TSPAN15: variants seen among roughly 807,000 people sequenced by gnomAD.
TSPAN15 encodes the protein tetraspanin-15.
A neutral mutation model predicts 34.5 loss-of-function variants in TSPAN15; 20 were observed. The ratio of observed to expected loss-of-function variants is 0.58; its 90% CI spans 0.41 to 0.84. The LOEUF (loss-of-function observed/expected upper bound fraction) is 0.84. TSPAN15 is among the 40% of genes least tolerant of loss of function. The pLI is 0.00. For synonymous variants in TSPAN15, 155 were observed against 153.9 expected (o/e 1.01, Z -0.05); for missense variants, 313 against 386.1 (o/e 0.81, Z 1.59).
At chr10:69,483,579 G>A (rs560440763) in intron 1 of TSPAN15, 112 bp from the exon 2 acceptor site, 78 of 1,232,224 alleles carry the variant, frequency 6.3e-5, no homozygotes, top group Non-Finnish European at 8.4e-5. Context: ...TTTCTGTGCT[G>A]TAACCTGGGG....
intron 5 of TSPAN15, among the ~76,000 whole-genome samples, chr10:69,499,913 C>G (rs56034791): frequency 0.12 from 17,924 of 151,976 alleles, 1,115 homozygotes; most frequent in South Asian, 0.13. Context: ...GGGAGCACAG[C>G]GGAGGATGGT....
At chr10:69,490,037 G>C (rs912934450) in intron 3 of TSPAN15, among the ~76,000 whole-genome samples, 1 of 152,168 alleles carries the variant, frequency 6.6e-6, no homozygotes, top group Non-Finnish European at 1.5e-5. Flanking sequence ...GGCAGTAGCG[G>C]GTGTGTCTAT....
chr10:69,507,522 G>A lies in TSPAN15; in HGVS notation c.*544G>A, dbSNP rs1226429901. 4.6e-6 allele frequency: 6 copies of A among 1,304,202 alleles called. No homozygotes were observed. The highest frequency in any genetic ancestry group is 6.1e-6 in the Non-Finnish European group (6 of 989,042). 80.8% of individuals were successfully genotyped at this position (1,304,202 alleles called of 1,614,324 possible). A position where few individuals can be genotyped will look rare whatever the true frequency, so the allele number is the denominator to read the frequency against. Reference sequence around the variant, plus strand: ...GCTTCCTTGAGCCTAGTTTTTTTACGTGATTTTTGTAACATTCATTTTTTT... The same window carrying A: ...GCTTCCTTGAGCCTAGTTTTTTTACATGATTTTTGTAACATTCATTTTTTT... On this transcript the variant is annotated 3_prime_UTR_variant, in exon 8 of 8. Transcript: ENST00000373290.
At chr10:69,526,411 C>T in the TSPAN15 span, among the ~76,000 whole-genome samples, 1 of 148,146 alleles carries the variant, frequency 6.8e-6, no homozygotes, top group African/African-American at 2.5e-5. Flanking sequence ...GGAAGATAAA[C>T]AAATCGCCAA....
intron 1 of TSPAN15, among the ~76,000 whole-genome samples, chr10:69,461,761 GT>G (rs34642904): frequency 0.4 from 60,563 of 151,942 alleles, 12,573 homozygotes; most frequent in Non-Finnish European, 0.45. Context: ...GTGCAGTAGG[GT>G]TGGGGTGCTG....
chr10:69,481,445 A>G (rs1841733680), intron 1 of TSPAN15, among the ~76,000 whole-genome samples: 1 of 152,240 alleles, frequency 6.6e-6, no homozygotes, highest in Admixed American at 6.5e-5. Context: ...GTGTTTCTGC[A>G]TAAGCTCTGT....
downstream of TSPAN15, among the ~76,000 whole-genome samples, chr10:69,509,245 TGCACCGC>T (rs756235430): frequency 6.6e-6 from 1 of 152,180 alleles, no homozygotes; most frequent in Non-Finnish European, 1.5e-5. Context: ...TACCTCACAC[TGCACCGC>T]TGGCCAGCTG....
chr10:69,532,437 C>G, the TSPAN15 span, among the ~76,000 whole-genome samples: 1 of 152,170 alleles, frequency 6.6e-6, no homozygotes, highest in Non-Finnish European at 1.5e-5. Context: ...GGAAAGGACA[C>G]CCTTTTCAAC....
chr10:69,484,129 G>GA (rs1002649442), intron 2 of TSPAN15: 8 of 406,952 alleles, frequency 2.0e-5, no homozygotes, highest in African/African-American at 1.6e-4. Flanking sequence ...TTGCGAGTAG[G>GA]AAAAACCACA....
At chr10:69,496,628 C>T (rs1842091134) in intron 4 of TSPAN15, among the ~76,000 whole-genome samples, 1 of 152,156 alleles carries the variant, frequency 6.6e-6, no homozygotes, top group Non-Finnish European at 1.5e-5. Flanking sequence ...GCTGCAGGCC[C>T]ACTCAGCCGG....
intron 3 of TSPAN15, among the ~76,000 whole-genome samples, chr10:69,486,248 G>A (rs887502117): frequency 1.3e-5 from 2 of 152,122 alleles, no homozygotes; most frequent in Non-Finnish European, 2.9e-5. Context: ...CTTCTTCCTT[G>A]TCCTCATCCT....
In TSPAN15 at chr10:69,506,909, C is replaced by G. The variant is rs767712671; in HGVS notation, c.816C>G (p.Leu272=). The change falls in exon 8 of 8, where the codon CTC becomes CTG. Residue 272 remains leucine (L), a synonymous_variant. Transcript: ENST00000373290. The surrounding 1 kb of genome is among the most constrained non-coding windows in gnomAD (Gnocchi z 4.7). ...IIMEHSVTDG[L]LGPGAKPSVE... ...TGGAGCACTCTGTCACTGATGGGCT[C>G]CTGGGGCCCGGTGCCAAGCCCAGCG... is the stretch of plus-strand genomic sequence containing the variant. 6 of 1,608,738 alleles carry G rather than the reference C, an allele frequency of 3.7e-6. No individual in the cohort carries two copies. Among genetic ancestry groups the G allele is most frequent in the Non-Finnish European group, 5.1e-6 (6 of 1,178,214 alleles).
chr10:69,459,007 G>A (rs927463302), intron 1 of TSPAN15, among the ~76,000 whole-genome samples: 8 of 148,296 alleles, frequency 5.4e-5, no homozygotes, highest in Middle Eastern at 3.4e-3. Flanking sequence ...ATAAGGGACT[G>A]ATAATGAAAT....
chr10:69,505,257 A>T (rs1023925690), intron 6 of TSPAN15, among the ~76,000 whole-genome samples: 1 of 152,240 alleles, frequency 6.6e-6, no homozygotes, highest in African/African-American at 2.4e-5. Context: ...AAATACAGCA[A>T]TTTACAGCTG....
chr10:69,471,717 A>T (rs1841512139), intron 1 of TSPAN15, among the ~76,000 whole-genome samples: 1 of 150,480 alleles, frequency 6.6e-6, no homozygotes, highest in Non-Finnish European at 1.5e-5. Flanking sequence ...TCAGCCTCCC[A>T]AGTAGCTGGG....
At chr10:69,534,131 A>G in the TSPAN15 span, among the ~76,000 whole-genome samples, 1 of 152,248 alleles carries the variant, frequency 6.6e-6, no homozygotes, top group Non-Finnish European at 1.5e-5. Flanking sequence ...ACTTTTAGGC[A>G]GTAATACTTC....
rs1327062903 is a variant in TSPAN15 at position 69,496,350 on chromosome 10, TAATAATAATAATA to T, written c.453+663_453+675del. On this transcript the variant is annotated intron_variant, in intron 4 of 7. Transcript: ENST00000373290. Reference sequence around the variant, plus strand: ...ATAATAATAATAATAATAATAATAATAATAATAATAATAATAATAATGGCAGTGGTAGGGCCAG... The same window carrying T: ...ATAATAATAATAATAATAATAATAATATAATAATGGCAGTGGTAGGGCCAG... Among the ~76,000 whole-genome samples the T allele has an allele frequency of 1.8e-4, 26 of 148,014 alleles. No homozygotes were observed. The East Asian group carries it at 3.7e-3, about 21-fold the overall frequency.
intron 3 of TSPAN15, among the ~76,000 whole-genome samples, chr10:69,487,955 C>T (rs112900975): frequency 0.029 from 4,372 of 152,260 alleles, 241 homozygotes; most frequent in African/African-American, 0.1. Flanking sequence ...ACTGACGCCT[C>T]TCCGCTGTTT....
chr10:69,472,185 T>C (rs1169119208), intron 1 of TSPAN15, among the ~76,000 whole-genome samples: 1 of 152,102 alleles, frequency 6.6e-6, no homozygotes, highest in Non-Finnish European at 1.5e-5. Context: ...CCTGTTCGCC[T>C]CCCCTTCCCT....
Sources: gnomAD v4.1 joint callset for allele counts (sites outside exome capture counted in the v4.1 genomes callset) on GRCh38, gnomAD v4.1.1 for gene constraint, Gnocchi (gnomAD v3.1) non-coding constraint, MANE v1.5 for transcripts, NCBI Gene and HGNC (gene_info 2026-07-23, HGNC 2026-07-21) for gene names.